SIPA1L1: variants seen among roughly 807,000 people sequenced by gnomAD.
SIPA1L1 encodes signal induced proliferation associated 1 like 1.
In SIPA1L1, 26 loss-of-function variants were observed where a neutral mutation model predicts 162.7. That is an observed-to-expected ratio of 0.16 (90% CI 0.12 to 0.22). The LOEUF (loss-of-function observed/expected upper bound fraction) is 0.22. Among genes scored for constraint, SIPA1L1 ranks in the 10% least tolerant of loss-of-function variants. The pLI, the probability that SIPA1L1 is intolerant of heterozygous loss-of-function variation, is 1.00. For synonymous variants in SIPA1L1, 829 were observed against 837.4 expected (o/e 0.99, Z 0.17); for missense variants, 1,874 against 2,241.0 (o/e 0.84, Z 3.31).
chr14:71,654,492 C>T (rs978682774), intron 8 of SIPA1L1, among the ~76,000 whole-genome samples: 2 of 152,094 alleles, frequency 1.3e-5, no homozygotes, highest in African/African-American at 2.4e-5. Context: ...ACTTAGAAGC[C>T]GTTTGTAAAA....
chr14:71,356,138 G>A (rs1377781548), intron 2 of SIPA1L1, among the ~76,000 whole-genome samples: 3 of 152,106 alleles, frequency 2.0e-5, no homozygotes, highest in African/African-American at 7.2e-5. Context: ...ACATAACACC[G>A]TTCTGAAGGA....
intron 4 of SIPA1L1, among the ~76,000 whole-genome samples, chr14:71,583,481 A>G (rs1024236094): frequency 2.0e-5 from 3 of 152,154 alleles, no homozygotes; most frequent in Admixed American, 2.0e-4. Flanking sequence ...GAGGAACGCT[A>G]CATCTTTCTG....
intron 2 of SIPA1L1, among the ~76,000 whole-genome samples, chr14:71,440,673 GGAAAA>G: frequency 7.9e-6 from 1 of 127,134 alleles, no homozygotes; most frequent in South Asian, 2.5e-4. Flanking sequence ...AAAAAAAAAA[GGAAAA>G]GTAAAGAAAA....
intron 2 of SIPA1L1, among the ~76,000 whole-genome samples, chr14:71,502,038 C>CA (rs958205271): frequency 0.078 from 6,832 of 87,130 alleles, 222 homozygotes; most frequent in African/African-American, 0.11. Context: ...ACCCTGTTTC[C>CA]AAAAAAAAAA....
chr14:71,423,327 C>G (rs995817367), intron 2 of SIPA1L1, among the ~76,000 whole-genome samples: 4 of 152,050 alleles, frequency 2.6e-5, no homozygotes, highest in African/African-American at 9.7e-5. Flanking sequence ...TTAAAATTTT[C>G]ATGAAGTCCA....
At chr14:71,404,927 C>T (rs2140136998) in intron 2 of SIPA1L1, among the ~76,000 whole-genome samples, 1 of 152,272 alleles carries the variant, frequency 6.6e-6, no homozygotes, top group East Asian at 1.9e-4. Context: ...TGTTTTGGTT[C>T]TTGGTATTGT....
intron 2 of SIPA1L1, among the ~76,000 whole-genome samples, chr14:71,333,061 T>C (rs1202025335): frequency 6.6e-6 from 1 of 152,242 alleles, no homozygotes; most frequent in Non-Finnish European, 1.5e-5. Context: ...ACATTTAAAC[T>C]CAGCTCAGAG....
At chr14:71,700,778 A>G (rs1006799762) in intron 14 of SIPA1L1, among the ~76,000 whole-genome samples, 7 of 152,082 alleles carry the variant, frequency 4.6e-5, no homozygotes, top group Admixed American at 3.9e-4. Flanking sequence ...GCGGATCACG[A>G]GGTCAGGAGA....
intron 10 of SIPA1L1, among the ~76,000 whole-genome samples, chr14:71,665,672 A>T (rs1256393199): frequency 6.6e-6 from 1 of 152,164 alleles, no homozygotes; most frequent in Admixed American, 6.5e-5. Context: ...ATCTGGGGCC[A>T]TTTGATTTTG....
intron 2 of SIPA1L1, among the ~76,000 whole-genome samples, chr14:71,394,753 C>T (rs1272078736): frequency 6.6e-6 from 1 of 152,140 alleles, no homozygotes; most frequent in East Asian, 1.9e-4. Context: ...AATAATGTGC[C>T]CAAGGTACCA....
chr14:71,456,293 A>G (rs556461719), intron 2 of SIPA1L1, among the ~76,000 whole-genome samples: 1 of 152,376 alleles, frequency 6.6e-6, no homozygotes, highest in South Asian at 2.1e-4. Context: ...TAACTGATCC[A>G]TCATTCATGA....
intron 2 of SIPA1L1, among the ~76,000 whole-genome samples, chr14:71,356,470 C>G (rs2037250973): frequency 6.7e-6 from 1 of 148,656 alleles, no homozygotes; most frequent in Admixed American, 6.8e-5. Context: ...GTGGCTCATG[C>G]CTGTGATCCC....
chr14:71,704,278 A>G (rs2082289588), intron 15 of SIPA1L1, among the ~76,000 whole-genome samples: 1 of 152,190 alleles, frequency 6.6e-6, no homozygotes, highest in African/African-American at 2.4e-5. Context: ...TCAGTACCCA[A>G]TATTGAGTAT....
chr14:71,696,817 T>C (rs1309391016), intron 13 of SIPA1L1, among the ~76,000 whole-genome samples: 1 of 152,214 alleles, frequency 6.6e-6, no homozygotes, highest in Non-Finnish European at 1.5e-5. Context: ...AAGAACAGAT[T>C]GTCATGGGAT....
chr14:71,570,269 A>C (rs779169640), intron 4 of SIPA1L1, among the ~76,000 whole-genome samples: 1 of 150,182 alleles, frequency 6.7e-6, no homozygotes, highest in African/African-American at 2.4e-5. Flanking sequence ...ATCTTTATTT[A>C]TTTATTTATT....
At chr14:71,655,324 C>T (rs1220037185) in intron 8 of SIPA1L1, among the ~76,000 whole-genome samples, 1 of 152,132 alleles carries the variant, frequency 6.6e-6, no homozygotes, top group Non-Finnish European at 1.5e-5. Context: ...TGGCTGCGTA[C>T]CATTCCATGA....
rs2085649505 is a variant in SIPA1L1, at chr14:71,740,114, C to T, written c.*953C>T. ...TTTAGCTTGCTGAAAATGACCATAT[C>T]TCTAAATTAATCTTTCTCTCCAGAG... On this transcript the variant is annotated 3_prime_UTR_variant, in exon 24 of 24. Coordinates refer to ENST00000381232, the MANE Select transcript of SIPA1L1 (RefSeq NM_001386936.1). 6.6e-6 allele frequency: 1 copy of T among 152,100 alleles called. No individual in the cohort carries two copies. The highest frequency in any genetic ancestry group is 2.4e-5 in the African/African-American group (1 of 41,428). The allele number at this position is 152,100 out of a possible 1,614,324, so 9.4% of individuals were successfully genotyped here.
chr14:71,606,312 C>T (rs1022908105), intron 5 of SIPA1L1, among the ~76,000 whole-genome samples: 2 of 152,112 alleles, frequency 1.3e-5, no homozygotes, highest in African/African-American at 4.8e-5. Flanking sequence ...TCTTCCTCTG[C>T]TGGAGGAAGG....
chr14:71,489,965 A>C (rs2049105083), intron 2 of SIPA1L1, among the ~76,000 whole-genome samples: 1 of 152,186 alleles, frequency 6.6e-6, no homozygotes, highest in Non-Finnish European at 1.5e-5. Context: ...ATCAGTTATC[A>C]AAATATGGAG....
Sources: allele counts gnomAD v4.1 joint callset (sites outside exome capture counted in the v4.1 genomes callset), GRCh38; gene constraint gnomAD v4.1.1; transcripts MANE v1.5; gene names NCBI Gene and HGNC (gene_info 2026-07-23, HGNC 2026-07-21).